Variants in ZRANB3 observed in about 807,000 individuals in gnomAD.
ZRANB3 encodes zinc finger RANBP2-type containing 3, also known as DNA annealing helicase and endonuclease ZRANB3.
In ZRANB3, 125 loss-of-function variants were observed where a neutral mutation model predicts 133.8. That is an observed-to-expected ratio of 0.93 (90% CI 0.81 to 1.08). The LOEUF (loss-of-function observed/expected upper bound fraction) is 1.08, where lower values mean the gene tolerates loss of function less well. ZRANB3 is among the 50% of genes least tolerant of loss of function. ZRANB3 has a pLI of 0.00. For missense variants in ZRANB3, 1,229 were observed against 1,275.5 expected (o/e 0.96, Z 0.56); for synonymous variants, 387 against 432.7 (o/e 0.89, Z 1.31).
chr2:135,479,589 C>A (rs1359027859), intron 2 of ZRANB3, among the ~76,000 whole-genome samples: 1 of 152,062 alleles, frequency 6.6e-6, no homozygotes, highest in African/African-American at 2.4e-5. Flanking sequence ...TCGCTTGAAT[C>A]CAGGAGGCGG....
At chr2:135,515,905 G>A (rs1693676763) in intron 1 of ZRANB3, among the ~76,000 whole-genome samples, 1 of 152,090 alleles carries the variant, frequency 6.6e-6, no homozygotes, top group African/African-American at 2.4e-5. Flanking sequence ...ATTATCGTAT[G>A]GAAGTCTAAG....
At chr2:135,341,927 G>A (rs1376299955) in intron 6 of ZRANB3, among the ~76,000 whole-genome samples, 1 of 149,998 alleles carries the variant, frequency 6.7e-6, no homozygotes, top group Non-Finnish European at 1.5e-5. Context: ...GATAATGGGT[G>A]CACAGTGGGA....
At chr2:135,343,022 A>C (rs1286800276) in intron 6 of ZRANB3, among the ~76,000 whole-genome samples, 3 of 145,642 alleles carry the variant, frequency 2.1e-5, no homozygotes, top group African/African-American at 8.1e-5. Context: ...AAAAAAAAAA[A>C]AAAAAAAAAA....
At chr2:135,237,042 C>A (rs1695319382) in intron 12 of ZRANB3, among the ~76,000 whole-genome samples, 1 of 152,152 alleles carries the variant, frequency 6.6e-6, no homozygotes, top group Non-Finnish European at 1.5e-5. Flanking sequence ...ATCTACTCAT[C>A]TGACAAAGGG....
intron 3 of ZRANB3, among the ~76,000 whole-genome samples, chr2:135,365,223 C>T (rs1244785096): frequency 1.3e-5 from 2 of 151,554 alleles, no homozygotes; most frequent in South Asian, 2.1e-4. Context: ...GTCAGGATTG[C>T]ACCACTGCAC....
At chr2:135,300,161 T>C (rs1051291003) in intron 8 of ZRANB3, among the ~76,000 whole-genome samples, 4 of 152,216 alleles carry the variant, frequency 2.6e-5, no homozygotes, top group African/African-American at 7.2e-5. Context: ...GATTTCATAC[T>C]GCATACATTT....
At chr2:135,289,697 G>A (rs1440181640) in intron 8 of ZRANB3, among the ~76,000 whole-genome samples, 3 of 152,174 alleles carry the variant, frequency 2.0e-5, no homozygotes, top group African/African-American at 7.2e-5. Context: ...GAGGACCAAA[G>A]TTCAAGATCA....
intron 4 of ZRANB3, 37 bp from the exon 5 acceptor site, chr2:135,350,252 A>C: frequency 3.4e-6 from 5 of 1,450,052 alleles, no homozygotes; most frequent in Non-Finnish European, 4.7e-6. Context: ...AAAATATCTC[A>C]GTAATGACGT....
chr2:135,510,366 G>C (rs1693397880), intron 1 of ZRANB3, among the ~76,000 whole-genome samples: 1 of 152,148 alleles, frequency 6.6e-6, no homozygotes, highest in African/African-American at 2.4e-5. Flanking sequence ...TAAAGGTCAG[G>C]AAAGGGAAGA....
At chr2:135,494,498 T>C (rs1045988858) in intron 2 of ZRANB3, among the ~76,000 whole-genome samples, 1 of 152,096 alleles carries the variant, frequency 6.6e-6, no homozygotes, top group African/African-American at 2.4e-5. Flanking sequence ...CATCTATGTA[T>C]GCTAAATCCA....
At chr2:135,262,014 G>T (rs1389008111) in intron 12 of ZRANB3, among the ~76,000 whole-genome samples, 4 of 151,856 alleles carry the variant, frequency 2.6e-5, no homozygotes, top group Non-Finnish European at 5.9e-5. Context: ...CAAAAAATTA[G>T]CCAGGCGTGG....
chr2:135,415,308 A>G (rs1211708130), intron 2 of ZRANB3, among the ~76,000 whole-genome samples: 3 of 151,924 alleles, frequency 2.0e-5, no homozygotes, highest in Non-Finnish European at 4.4e-5. Flanking sequence ...ACAAACTACC[A>G]TCAGAGAATA....
At chr2:135,401,679 C>T (rs145033837) in intron 2 of ZRANB3, among the ~76,000 whole-genome samples, 2 of 152,290 alleles carry the variant, frequency 1.3e-5, no homozygotes, top group East Asian at 3.9e-4. Flanking sequence ...TCCTGCATCA[C>T]GCAATGATGC....
intron 4 of ZRANB3, 29 bp downstream of exon 4, chr2:135,353,421 C>T (rs373385623): frequency 1.3e-6 from 2 of 1,490,466 alleles, no homozygotes; most frequent in African/African-American, 2.8e-5. Context: ...GAAGACTTTT[C>T]TCCTTAAATA....
intron 12 of ZRANB3, among the ~76,000 whole-genome samples, chr2:135,236,901 C>T (rs1202198185): frequency 6.6e-6 from 1 of 152,178 alleles, no homozygotes; most frequent in African/African-American, 2.4e-5. Context: ...ATGTCTAAAA[C>T]ACCAAAAGTA....
chr2:135,236,789 C>G (rs996840878), intron 12 of ZRANB3, among the ~76,000 whole-genome samples: 1 of 152,120 alleles, frequency 6.6e-6, no homozygotes, highest in African/African-American at 2.4e-5. Flanking sequence ...AAAATTAATT[C>G]AAGATGGATT....
chr2:135,291,799 T>A (rs1341823074), intron 8 of ZRANB3, among the ~76,000 whole-genome samples: 1 of 147,438 alleles, frequency 6.8e-6, no homozygotes, highest in Non-Finnish European at 1.5e-5. Context: ...CCTGTGTCCA[T>A]GTGTTCTCAT....
chr2:135,481,556 T>G (rs191080121), intron 2 of ZRANB3, among the ~76,000 whole-genome samples: 135 of 152,208 alleles, frequency 8.9e-4, no homozygotes, highest in African/African-American at 3.2e-3. Flanking sequence ...TTTCTCCCAT[T>G]TTGTAGGTTG....
intron 2 of ZRANB3, among the ~76,000 whole-genome samples, chr2:135,427,272 C>G (rs1339269201): frequency 6.6e-6 from 1 of 152,104 alleles, no homozygotes; most frequent in Admixed American, 6.6e-5. Context: ...AAGAGTCAAA[C>G]TATCTCTATT....
Sources: gnomAD v4.1 joint callset for allele counts (sites outside exome capture counted in the v4.1 genomes callset) on GRCh38, gnomAD v4.1.1 for gene constraint, MANE v1.5 for transcripts, NCBI Gene and HGNC (gene_info 2026-07-23, HGNC 2026-07-21) for gene names.